Variants in NPAS3 observed in about 807,000 individuals in gnomAD.
NPAS3 encodes neuronal PAS domain protein 3, also known as neuronal PAS domain-containing protein 3.
NPAS3 carries 14 observed loss-of-function variants against 73.1 expected under a neutral mutation model. The observed-to-expected ratio is 0.19, with a 90% CI of 0.13 to 0.30. The LOEUF (loss-of-function observed/expected upper bound fraction) is 0.30, where lower values mean the gene tolerates loss of function less well. Among genes scored for constraint, NPAS3 ranks in the 10% least tolerant of loss-of-function variants. The pLI is 1.00. For missense variants in NPAS3, 1,096 were observed against 1,250.0 expected (o/e 0.88, Z 1.86); for synonymous variants, 620 against 541.5 (o/e 1.14, Z -2.01).
At chr14:33,768,266 C>T (rs2062529332) in intron 7 of NPAS3, among the ~76,000 whole-genome samples, 1 of 152,106 alleles carries the variant, frequency 6.6e-6, no homozygotes, top group African/African-American at 2.4e-5. Context: ...AAAACAGGAA[C>T]AATGAAAGGA....
chr14:33,365,600 T>C (rs2045805729), intron 3 of NPAS3, among the ~76,000 whole-genome samples: 1 of 152,192 alleles, frequency 6.6e-6, no homozygotes, highest in Non-Finnish European at 1.5e-5. Context: ...AGCTGGAATA[T>C]TCTTTTGATA....
At chr14:33,564,591 A>G (rs1184569045) in intron 5 of NPAS3, among the ~76,000 whole-genome samples, 2 of 152,208 alleles carry the variant, frequency 1.3e-5, no homozygotes, top group African/African-American at 2.4e-5. Context: ...CAGGGTTTCA[A>G]ACTGGCTTTC....
chr14:33,520,091 G>A (rs1199428003), intron 4 of NPAS3, among the ~76,000 whole-genome samples: 3 of 152,078 alleles, frequency 2.0e-5, no homozygotes, highest in Non-Finnish European at 4.4e-5. Flanking sequence ...AACCCAGAGG[G>A]GTTCTAGAGC....
intron 4 of NPAS3, among the ~76,000 whole-genome samples, chr14:33,524,434 G>A (rs2053700221): frequency 6.6e-6 from 1 of 152,100 alleles, no homozygotes; most frequent in African/African-American, 2.4e-5. Flanking sequence ...TAATAAAGTA[G>A]ATACCATTAT....
intron 5 of NPAS3, among the ~76,000 whole-genome samples, chr14:33,646,841 T>C (rs532125923): frequency 6.4e-4 from 76 of 118,062 alleles, no homozygotes; most frequent in Non-Finnish European, 1.0e-3. Context: ...TGGGTCCTTA[T>C]TTATAACATT....
At chr14:33,054,541 T>C (rs893070925) in intron 1 of NPAS3, among the ~76,000 whole-genome samples, 1 of 151,972 alleles carries the variant, frequency 6.6e-6, no homozygotes, top group African/African-American at 2.4e-5. Context: ...TGTCACTTAA[T>C]ATGTTGGGCT....
At chr14:33,772,678 C>T (rs2062692731) in intron 7 of NPAS3, among the ~76,000 whole-genome samples, 1 of 152,098 alleles carries the variant, frequency 6.6e-6, no homozygotes, top group African/African-American at 2.4e-5. Flanking sequence ...CTGTTAACAC[C>T]CCTCCTGTGA....
At chr14:33,753,984 A>T (rs962599311) in intron 7 of NPAS3, among the ~76,000 whole-genome samples, 2 of 152,144 alleles carry the variant, frequency 1.3e-5, no homozygotes, top group African/African-American at 4.8e-5. Flanking sequence ...CTCTGTTCAG[A>T]TGGTTGTAAA....
chr14:32,955,530 A>T (rs923484952), intron 1 of NPAS3, among the ~76,000 whole-genome samples: 1 of 152,164 alleles, frequency 6.6e-6, no homozygotes, highest in African/African-American at 2.4e-5. Flanking sequence ...AAAACTCAAG[A>T]TATCCATAAC....
At chr14:33,375,778 G>A (rs1301592227) in intron 4 of NPAS3, among the ~76,000 whole-genome samples, 1 of 152,068 alleles carries the variant, frequency 6.6e-6, no homozygotes, top group East Asian at 1.9e-4. Flanking sequence ...AGATTGCCTA[G>A]GTTTAAACTA....
At chr14:33,571,975 G>A (rs1166428323) in intron 5 of NPAS3, among the ~76,000 whole-genome samples, 1 of 152,020 alleles carries the variant, frequency 6.6e-6, no homozygotes, top group Non-Finnish European at 1.5e-5. Flanking sequence ...TTTTATTGTG[G>A]GCTAATGCAA....
intron 4 of NPAS3, among the ~76,000 whole-genome samples, chr14:33,518,524 A>G (rs1314063591): frequency 2.0e-5 from 3 of 152,044 alleles, no homozygotes; most frequent in South Asian, 2.1e-4. Context: ...CTTTATTGCA[A>G]TGCCTCATCA....
intron 4 of NPAS3, among the ~76,000 whole-genome samples, chr14:33,397,492 CTGTACAGTACTTCTTGGTGGCTCTAT>C (rs2047273146): frequency 1.3e-5 from 2 of 152,218 alleles, no homozygotes; most frequent in Non-Finnish European, 2.9e-5. Context: ...CTTTATGCTA[CTGTACAGTACTTCTTGGTGGCTCTAT>C]TACACCAATG....
chr14:33,266,252 G>A (rs2040811926), intron 3 of NPAS3, among the ~76,000 whole-genome samples: 1 of 152,140 alleles, frequency 6.6e-6, no homozygotes, highest in Non-Finnish European at 1.5e-5. Context: ...TGATAGCAGT[G>A]AAAGGATGTG....
chr14:33,555,392 T>C (rs2055307115), intron 4 of NPAS3, among the ~76,000 whole-genome samples: 1 of 152,164 alleles, frequency 6.6e-6, no homozygotes, highest in Non-Finnish European at 1.5e-5. Flanking sequence ...GAAGATGTAA[T>C]TAACCCTTTG....
chr14:33,149,058 G>A (rs910533486), intron 2 of NPAS3, among the ~76,000 whole-genome samples: 5 of 152,164 alleles, frequency 3.3e-5, no homozygotes, highest in African/African-American at 9.7e-5. Flanking sequence ...AAGTCACTTT[G>A]TGAGTACTGA....
intron 4 of NPAS3, among the ~76,000 whole-genome samples, chr14:33,431,301 T>G (rs2048774050): frequency 6.6e-6 from 1 of 152,240 alleles, no homozygotes; most frequent in South Asian, 2.1e-4. Flanking sequence ...TGGTCTTTAG[T>G]GTCACTGAAT....
chr14:33,129,568 T>C (rs900480503), intron 2 of NPAS3, among the ~76,000 whole-genome samples: 35 of 152,304 alleles, frequency 2.3e-4, no homozygotes, highest in African/African-American at 7.7e-4. Context: ...AAAATTCCTG[T>C]GTCAGTTGCC....
Position 33,602,373 on chromosome 14 carries a change from G to T in NPAS3, c.558+42163G>T, listed in dbSNP as rs139521096. On this transcript the variant is annotated intron_variant, in intron 5 of 11. Transcript: ENST00000356141. ...GTAGGGTATACAAAAGGGTCTTGTC[G>T]AGCAAGTGGCTTCTGTTGCCTGTTA... Among the ~76,000 whole-genome samples the T allele has an allele frequency of 2.0e-4, 30 of 152,328 alleles. 1 individual carries two copies. Among genetic ancestry groups the T allele is most frequent in the African/African-American group, 7.2e-4 (30 of 41,570 alleles).
Sources: allele counts gnomAD v4.1 joint callset (sites outside exome capture counted in the v4.1 genomes callset), GRCh38; gene constraint gnomAD v4.1.1; transcripts MANE v1.5; gene names NCBI Gene and HGNC (gene_info 2026-07-23, HGNC 2026-07-21).